The following FHIP1A variants were observed in gnomAD, a reference collection of about 807,000 sequenced individuals.
The protein encoded by FHIP1A is FHF complex subunit HOOK-interacting protein 1A.
A neutral mutation model predicts 88.6 loss-of-function variants in FHIP1A; 61 were observed. The ratio of observed to expected loss-of-function variants is 0.69; its 90% CI spans 0.56 to 0.85. The LOEUF (loss-of-function observed/expected upper bound fraction) is 0.85. Among genes scored for constraint, FHIP1A ranks in the 40% least tolerant of loss-of-function variants. FHIP1A has a pLI of 0.00. For missense variants in FHIP1A, 1,154 were observed against 1,273.5 expected (o/e 0.91, Z 1.43); for synonymous variants, 478 against 496.0 (o/e 0.96, Z 0.48).
At chr4:151,411,315 A>T (rs2126498788) in intron 1 of FHIP1A, among the ~76,000 whole-genome samples, 1 of 148,504 alleles carries the variant, frequency 6.7e-6, no homozygotes, top group South Asian at 2.1e-4. Flanking sequence ...GAGAAAAAAC[A>T]AGAATTGCCT....
chr4:151,565,160 T>C (rs887066768), intron 3 of FHIP1A, among the ~76,000 whole-genome samples: 1 of 152,190 alleles, frequency 6.6e-6, no homozygotes, highest in African/African-American at 2.4e-5. Context: ...TTACTTTTTT[T>C]CTGAACTCTT....
intron 3 of FHIP1A, among the ~76,000 whole-genome samples, chr4:151,491,734 G>T (rs1276484706): frequency 6.6e-6 from 1 of 152,118 alleles, no homozygotes. Context: ...CCAAGTATCT[G>T]CTGTCTTCAA....
At chr4:151,617,840 T>G (rs1735599893) in intron 7 of FHIP1A, among the ~76,000 whole-genome samples, 1 of 152,076 alleles carries the variant, frequency 6.6e-6, no homozygotes, top group African/African-American at 2.4e-5. Flanking sequence ...GAGCTGAGAT[T>G]GCGCCACTGC....
intron 3 of FHIP1A, among the ~76,000 whole-genome samples, chr4:151,550,055 T>G: frequency 6.6e-6 from 1 of 152,174 alleles, no homozygotes; most frequent in East Asian, 1.9e-4. Context: ...TCCAGGTTGT[T>G]GGTATTTATT....
chr4:151,505,012 GTC>G lies in FHIP1A; in HGVS notation c.-123+22368_-123+22369del, dbSNP rs536565135. Among the ~76,000 whole-genome samples the G allele has an allele frequency of 3.9e-4, 60 of 152,252 alleles. 2 individuals are homozygous for G. The South Asian group carries it at 0.012, about 31-fold the overall frequency. ...CTCTTGCCCATTACCCCCCGACCCA[GTC>G]TCTGTTTGTCTCTGTGTCTCCTTGC... On this transcript the variant is annotated intron_variant, in intron 3 of 13. Transcript: ENST00000435205.
intron 10 of FHIP1A, among the ~76,000 whole-genome samples, chr4:151,648,844 T>C (rs1736889523): frequency 2.6e-5 from 4 of 151,148 alleles, no homozygotes; most frequent in Admixed American, 1.3e-4. Context: ...GTAGTGAAGT[T>C]GGAACTTTTA....
chr4:151,591,542 T>A (rs1734428334), intron 7 of FHIP1A, among the ~76,000 whole-genome samples: 1 of 152,134 alleles, frequency 6.6e-6, no homozygotes. Flanking sequence ...CCATGGTGGT[T>A]TGCTGCACCC....
chr4:151,447,329 C>T (rs1728644149), intron 1 of FHIP1A, among the ~76,000 whole-genome samples: 1 of 152,066 alleles, frequency 6.6e-6, no homozygotes, highest in Non-Finnish European at 1.5e-5. Flanking sequence ...CTGGTTGGTC[C>T]TTCTCATGAC....
At chr4:151,553,616 A>G (rs979420518) in intron 3 of FHIP1A, among the ~76,000 whole-genome samples, 41 of 152,230 alleles carry the variant, frequency 2.7e-4, no homozygotes, top group African/African-American at 8.4e-4. Flanking sequence ...TGACTTAACC[A>G]GGGAAATGGA....
intron 3 of FHIP1A, among the ~76,000 whole-genome samples, chr4:151,531,110 G>C (rs1174780544): frequency 3.9e-5 from 6 of 151,986 alleles, no homozygotes; most frequent in African/African-American, 1.5e-4. Flanking sequence ...TTTGTATGAA[G>C]ATAATTATCA....
At chr4:151,578,349 G>T (rs914786511) in intron 5 of FHIP1A, among the ~76,000 whole-genome samples, 1 of 152,130 alleles carries the variant, frequency 6.6e-6, no homozygotes, top group Non-Finnish European at 1.5e-5. Flanking sequence ...AATGATTTTA[G>T]TTGTTCCAGG....
intron 3 of FHIP1A, among the ~76,000 whole-genome samples, chr4:151,504,592 G>GTTATT (rs1560735602): frequency 7.5e-6 from 1 of 133,086 alleles, no homozygotes; most frequent in Non-Finnish European, 1.7e-5. Context: ...GTTATGTTAT[G>GTTATT]TTATGTTATG....
At chr4:151,513,499 C>T (rs1014654639) in intron 3 of FHIP1A, among the ~76,000 whole-genome samples, 1 of 152,136 alleles carries the variant, frequency 6.6e-6, no homozygotes, top group Non-Finnish European at 1.5e-5. Context: ...TTAGAAGACA[C>T]AGACTGGCAA....
At chr4:151,442,335 T>A (rs897897290) in intron 1 of FHIP1A, among the ~76,000 whole-genome samples, 2 of 151,364 alleles carry the variant, frequency 1.3e-5, no homozygotes, top group Admixed American at 1.3e-4. Flanking sequence ...TCAAATTAAT[T>A]AAAAAAAAAT....
intron 1 of FHIP1A, among the ~76,000 whole-genome samples, chr4:151,426,999 T>C (rs4566638): frequency 6.6e-6 from 1 of 151,816 alleles, no homozygotes; most frequent in Non-Finnish European, 1.5e-5. Flanking sequence ...ATATCAGAAG[T>C]GTAATATTTC....
intron 2 of FHIP1A, among the ~76,000 whole-genome samples, chr4:151,457,401 C>T (rs1729003699): frequency 6.6e-6 from 1 of 152,130 alleles, no homozygotes; most frequent in Admixed American, 6.6e-5. Flanking sequence ...AGAGCCCTGG[C>T]CCTGGAAGTG....
At chr4:151,631,339 A>G (rs1736150372) in intron 8 of FHIP1A, among the ~76,000 whole-genome samples, 1 of 152,182 alleles carries the variant, frequency 6.6e-6, no homozygotes, top group African/African-American at 2.4e-5. Context: ...AATTAGGACC[A>G]TGAGCAACTA....
intron 1 of FHIP1A, among the ~76,000 whole-genome samples, chr4:151,434,327 T>C (rs1733720412): frequency 6.6e-6 from 1 of 152,242 alleles, no homozygotes; most frequent in South Asian, 2.1e-4. Flanking sequence ...AATGTCACTA[T>C]GTTACTTACT....
rs144339271 is a variant in FHIP1A, at chr4:151,662,374, C to T, written c.2870-127C>T. 2.9e-3 allele frequency: 2,867 copies of T among 977,490 alleles called. 83 individuals carry two copies. The Admixed American group carries it at 0.063, about 21-fold the overall frequency. 60.6% of individuals were successfully genotyped at this position (977,490 alleles called of 1,614,324 possible). A position where few individuals can be genotyped will look rare whatever the true frequency, so the allele number is the denominator to read the frequency against. The stretch of plus-strand genomic sequence containing the variant: ...AGGGCTGCATCTTCAGGATTTAGTC[C>T]GTTATAGGAACTGCACTCATAACTA... On this transcript the variant is annotated intron_variant, in intron 13 of 13. Coordinates refer to ENST00000435205, the MANE Select transcript of FHIP1A (RefSeq NM_001109977.3).
Sources: gnomAD v4.1 joint callset for allele counts (sites outside exome capture counted in the v4.1 genomes callset) on GRCh38, gnomAD v4.1.1 for gene constraint, MANE v1.5 for transcripts, NCBI Gene and HGNC (gene_info 2026-07-23, HGNC 2026-07-21) for gene names.